KRT77: variants seen among roughly 807,000 people sequenced by gnomAD.
The protein encoded by KRT77 is keratin, type II cytoskeletal 1b.
A neutral mutation model predicts 51.5 loss-of-function variants in KRT77; 44 were observed. That is an observed-to-expected ratio of 0.85 (90% CI 0.67 to 1.10). The LOEUF (loss-of-function observed/expected upper bound fraction) is 1.10, where lower values mean the gene tolerates loss of function less well. KRT77 is among the 50% of genes least tolerant of loss of function. The pLI is 0.00. For synonymous variants in KRT77, 293 were observed against 302.0 expected (o/e 0.97, Z 0.31); for missense variants, 763 against 743.9 (o/e 1.03, Z -0.30).
chr12:52,698,698 T>A (rs1592274355), intron 1 of KRT77, among the ~76,000 whole-genome samples: 1 of 152,294 alleles, frequency 6.6e-6, no homozygotes, highest in Middle Eastern at 3.4e-3. Flanking sequence ...GTCCTTGGCA[T>A]GGTAATGACC....
chr12:52,702,842 C>G (rs200348676), intron 1 of KRT77, 50 bp downstream of exon 1: 1 of 1,579,704 alleles, frequency 6.3e-7, no homozygotes, highest in East Asian at 2.2e-5. Context: ...TAATCTCTCT[C>G]AGTCATTTGG....
intron 1 of KRT77, among the ~76,000 whole-genome samples, chr12:52,700,915 G>C (rs1254594806): frequency 6.6e-6 from 1 of 152,214 alleles, no homozygotes; most frequent in Non-Finnish European, 1.5e-5. Flanking sequence ...AGGAAGACCA[G>C]TTTGGAAAGC....
intron 3 of KRT77, 21 bp from the exon 4 acceptor site, chr12:52,695,888 G>A (rs1318714020): frequency 2.6e-6 from 4 of 1,520,186 alleles, no homozygotes; most frequent in South Asian, 1.1e-5. Flanking sequence ...GGCAGAAACA[G>A]TTTGACTTTA....
In KRT77 at chr12:52,699,635, A is replaced by G. The variant is rs527327899; in HGVS notation, c.544-1739T>C. Among the ~76,000 whole-genome samples the G allele has an allele frequency of 2.6e-5, 4 of 152,322 alleles. No individual in the cohort carries two copies. The East Asian group carries it at 5.8e-4, about 22-fold the overall frequency. The stretch of plus-strand genomic sequence containing the variant: ...CTCCTCCCCTGCACAGGGACCTCCC[A>G]GTGCCCTCAGCACCCCAGGTCTCCT... On this transcript the variant is annotated intron_variant, in intron 1 of 8. Transcript: ENST00000341809.
chr12:52,693,736 A>G (rs1941751322), intron 5 of KRT77: 1 of 151,176 alleles, frequency 6.6e-6, no homozygotes, highest in Non-Finnish European at 1.5e-5. Context: ...TGATCTAATA[A>G]GGGAGGGTGT....
In KRT77 at chr12:52,697,894, C is replaced by G. The variant is rs1455844179; in HGVS notation, c.546G>C (p.Val182=). The stretch of plus-strand genomic sequence containing the variant: ...CCTGGTTCTGCTGCTCCAGGAATCG[C>G]ACCTAAGAGCAAGAGACCCCAGTCC... ...NNKFASFIDK[V]RFLEQQNQVL... Residue 182 remains valine (V), a splice_region_variant and synonymous_variant, in exon 2 of 9, where the codon GTG becomes GTC. Coordinates refer to ENST00000341809, the MANE Select transcript of KRT77 (RefSeq NM_175078.3). The G allele has an allele frequency of 1.2e-6, 2 of 1,613,638 alleles. No homozygotes were observed. Among genetic ancestry groups the G allele is most frequent in the Non-Finnish European group, 1.7e-6 (2 of 1,179,766 alleles).
rs987459161 is a variant in KRT77 at position 52,689,737 on chromosome 12, C to A, written c.*1428G>T. 2.6e-5 allele frequency: 4 copies of A among 152,254 alleles called. No homozygotes were observed. Among genetic ancestry groups the A allele is most frequent in the African/African-American group, 9.7e-5 (4 of 41,448 alleles). 9.4% of individuals were successfully genotyped at this position (152,254 alleles called of 1,614,324 possible). A position where few individuals can be genotyped will look rare whatever the true frequency, so the allele number is the denominator to read the frequency against. On this transcript the variant is annotated 3_prime_UTR_variant, in exon 9 of 9. Coordinates refer to ENST00000341809, the MANE Select transcript of KRT77 (RefSeq NM_175078.3). ...ACAAGAACAGCCTAAGAGACCCACA[C>A]TGAGCCCATCCAATGCCCCAAGAGA...
chr12:52,698,800 G>A (rs767187508), intron 1 of KRT77, among the ~76,000 whole-genome samples: 15 of 152,206 alleles, frequency 9.9e-5, no homozygotes, highest in South Asian at 2.1e-4. Flanking sequence ...GACTTTGCTC[G>A]GCCGCATGCA....
intron 1 of KRT77, among the ~76,000 whole-genome samples, chr12:52,702,638 T>G (rs1353027534): frequency 6.6e-6 from 1 of 151,446 alleles, no homozygotes; most frequent in East Asian, 1.9e-4. Context: ...AAGTGAATAA[T>G]TATGAATGAG....
intron 5 of KRT77, chr12:52,693,808 G>T (rs539422548): frequency 8.9e-4 from 134 of 151,016 alleles, no homozygotes; most frequent in African/African-American, 3.1e-3. Flanking sequence ...TCACAGAAAA[G>T]TATCCATATG....
intron 1 of KRT77, among the ~76,000 whole-genome samples, chr12:52,698,974 G>A (rs1941842767): frequency 6.6e-6 from 1 of 152,218 alleles, no homozygotes; most frequent in Non-Finnish European, 1.5e-5. Flanking sequence ...CGGCCCTTGA[G>A]ACTCCGCCCC....
rs749705627 is a variant in KRT77 at position 52,694,647 on chromosome 12, G to A, written c.1059C>T (p.Ala353=). The A allele has an allele frequency of 3.0e-5, 48 of 1,608,688 alleles. No individual in the cohort carries two copies. The East Asian group carries it at 6.7e-4, about 22-fold the overall frequency. ...CCACCTTGGTCTGGTACAGGGCTTC[G>A]GCCTCGTCCTTGCTCCTCTGTGCAA... ...ELIAQRSKDE[A]EALYQTKYQE... is the part of the protein sequence containing the mutation. The change falls in exon 5 of 9, where the codon GCC becomes GCT. Residue 353 remains alanine, a synonymous_variant. Coordinates refer to ENST00000341809, the MANE Select transcript of KRT77 (RefSeq NM_175078.3).
At chr12:52,698,381 G>A in intron 1 of KRT77, 1 of 405,026 alleles carries the variant, frequency 2.5e-6, no homozygotes, top group Non-Finnish European at 4.9e-6. Context: ...CCCCTGCCCT[G>A]CAGCCACCAC....
rs1026733742 is a variant in KRT77, at chr12:52,703,310, C to T, written c.125G>A (p.Gly42Glu). The T allele has an allele frequency of 6.2e-7, 1 of 1,614,150 alleles. No homozygotes were observed. ...PAVGSVCYAR[G>E]RCGGGGYGIH... The stretch of plus-strand genomic sequence containing the variant: ...CCCATATCCACCACCACCACACCTC[C>T]CTCGAGCATAACACACAGAACCCAC... Residue 42 changes from glycine (G) to glutamate (E), a missense_variant, in exon 1 of 9, where the codon GGG becomes GAG. Coordinates refer to ENST00000341809, the MANE Select transcript of KRT77 (RefSeq NM_175078.3).
chr12:52,702,957 T>A lies in KRT77; in HGVS notation c.478A>T (p.Ile160Phe), dbSNP rs749658124. 6.2e-7 allele frequency: 1 copy of A among 1,614,050 alleles called. No homozygotes were observed. Reference protein sequence around the residue: ...HLEVDPEIQRIKTQEREQIMV... With the variant: ...HLEVDPEIQRFKTQEREQIMV... ...ATCTGCTCCCGCTCCTGGGTCTTGA[T>A]CCTCTGAATTTCAGGGTCCACCTCC... The change falls in exon 1 of 9, where the codon ATC (isoleucine) becomes TTC (phenylalanine). Residue 160 changes from isoleucine (I) to phenylalanine (F), a missense_variant. Physicochemically the swap from Ile to Phe is conservative, Grantham distance 21. Transcript: ENST00000341809.
intron 2 of KRT77, 41 bp downstream of exon 2, chr12:52,697,641 G>C (rs750860561): frequency 1.3e-6 from 2 of 1,541,008 alleles, no homozygotes; most frequent in Non-Finnish European, 1.8e-6. Flanking sequence ...ACCAGTTTCC[G>C]GCCATGCTTC....
chr12:52,697,521 G>C (rs901369729), intron 2 of KRT77, among the ~76,000 whole-genome samples, 161 bp downstream of exon 2: 4 of 152,084 alleles, frequency 2.6e-5, no homozygotes, highest in African/African-American at 4.8e-5. Flanking sequence ...CATTCTACCC[G>C]GGTTGCCACA....
chr12:52,697,699 C>A lies in KRT77; in HGVS notation c.741G>T (p.Val247=). ...AGTCTCACTTGCTCTTGTAGTCCTC[C>A]ACGACATCCTGCATGCTCCTGACCT... The part of the protein sequence containing the change: ...NAEVRSMQDV[V]EDYKSKYEDE... Residue 247 remains valine (V), a synonymous_variant, in exon 2 of 9, where the codon GTG becomes GTT. Coordinates refer to ENST00000341809, the MANE Select transcript of KRT77 (RefSeq NM_175078.3). The A allele has an allele frequency of 6.2e-7, 1 of 1,613,410 alleles. No individual in the cohort carries two copies. Among genetic ancestry groups the A allele is most frequent in the South Asian group, 1.1e-5 (1 of 91,058 alleles).
chr12:52,699,775 C>G (rs970326414), intron 1 of KRT77, among the ~76,000 whole-genome samples: 3 of 152,200 alleles, frequency 2.0e-5, no homozygotes, highest in African/African-American at 7.2e-5. Context: ...TCTGTTGAGA[C>G]TTGCAGTCAT....
Sources: allele counts gnomAD v4.1 joint callset (sites outside exome capture counted in the v4.1 genomes callset), GRCh38; gene constraint gnomAD v4.1.1; transcripts MANE v1.5; gene names NCBI Gene and HGNC (gene_info 2026-07-23, HGNC 2026-07-21).